The following MYO18A variants were observed in gnomAD, a reference collection of about 807,000 sequenced individuals.
MYO18A encodes the protein unconventional myosin-XVIIIa.
MYO18A carries 78 observed loss-of-function variants against 235.8 expected under a neutral mutation model. That is an observed-to-expected ratio of 0.33 (90% CI 0.28 to 0.40). The LOEUF is 0.40. Ranked by LOEUF, MYO18A falls within the 10% of genes least tolerant of loss-of-function variation. MYO18A has a pLI of 1.00. For missense variants in MYO18A, 2,215 were observed against 2,699.3 expected (o/e 0.82, Z 3.98); for synonymous variants, 977 against 1,077.8 (o/e 0.91, Z 1.83).
intron 13 of MYO18A, 51 bp from the exon 14 acceptor site, chr17:29,115,150 A>T: frequency 6.4e-7 from 1 of 1,553,224 alleles, no homozygotes; most frequent in East Asian, 2.3e-5. Context: ...CCCGGGCACC[A>T]GGAAGCCCCA....
intron 41 of MYO18A, chr17:29,080,151 G>C (rs1024024629): frequency 3.4e-5 from 34 of 985,908 alleles, no homozygotes; most frequent in Non-Finnish European, 4.0e-5. Flanking sequence ...GCTCCGGGGG[G>C]TCCAGTTGGG....
chr17:29,153,229 C>G (rs1322069780), intron 2 of MYO18A, among the ~76,000 whole-genome samples: 1 of 152,214 alleles, frequency 6.6e-6, no homozygotes, highest in Non-Finnish European at 1.5e-5. Flanking sequence ...AAGCAATCCT[C>G]TCACCTCAGC....
At position 29,170,634 on chromosome 17, in the gene MYO18A, A is replaced by C. The variant is rs992713964; in HGVS notation, c.-81-3613T>G. Reference sequence around the variant, plus strand: ...TTTTCTGCGTTTCTCTCCTCATCATACTCTAAGAAGTTTTTCCTAATTTTA... The same window carrying C: ...TTTTCTGCGTTTCTCTCCTCATCATCCTCTAAGAAGTTTTTCCTAATTTTA... On this transcript the variant is annotated intron_variant, in intron 1 of 41. Coordinates refer to ENST00000527372, the MANE Select transcript of MYO18A (RefSeq NM_078471.4). Among the ~76,000 whole-genome samples the C allele has an allele frequency of 2.0e-5, 3 of 151,842 alleles. No homozygotes were observed. The East Asian group carries it at 5.8e-4, about 29-fold the overall frequency.
chr17:29,167,518 C>T (rs2068308764), intron 1 of MYO18A, among the ~76,000 whole-genome samples: 1 of 151,942 alleles, frequency 6.6e-6, no homozygotes, highest in African/African-American at 2.4e-5. Context: ...TTAAGACCAG[C>T]CTGGACAACA....
chr17:29,177,068 C>T (rs151306129), intron 1 of MYO18A, among the ~76,000 whole-genome samples: 10 of 152,320 alleles, frequency 6.6e-5, no homozygotes, highest in African/African-American at 2.4e-4. Context: ...TCCGTGTGAC[C>T]TTGAGCAAGT....
chr17:29,138,757 G>A (rs1046567008), intron 2 of MYO18A, among the ~76,000 whole-genome samples: 1 of 152,160 alleles, frequency 6.6e-6, no homozygotes, highest in African/African-American at 2.4e-5. Context: ...GCAAGTGGCA[G>A]ATCTGGGACT....
intron 2 of MYO18A, among the ~76,000 whole-genome samples, chr17:29,135,174 C>T (rs879877566): frequency 1.2e-4 from 18 of 151,890 alleles, no homozygotes; most frequent in Non-Finnish European, 2.5e-4. Flanking sequence ...AATCTTGCCT[C>T]ACTGCAACCT....
intron 2 of MYO18A, chr17:29,128,988 G>T: frequency 8.2e-7 from 1 of 1,215,682 alleles, no homozygotes; most frequent in Non-Finnish European, 1.1e-6. Context: ...GCATGGAGAG[G>T]TCAAACAGCC....
chr17:29,167,811 C>T (rs963538177), intron 1 of MYO18A, among the ~76,000 whole-genome samples: 2 of 152,170 alleles, frequency 1.3e-5, no homozygotes, highest in African/African-American at 4.8e-5. Flanking sequence ...TCTTTGGACT[C>T]TTTCCTGAGC....
chr17:29,096,839 G>A lies in MYO18A; in HGVS notation c.4307C>T (p.Thr1436Met), dbSNP rs1294893019. The A allele has an allele frequency of 8.8e-6, 14 of 1,593,988 alleles. No homozygotes were observed. Among genetic ancestry groups the A allele is most frequent in the South Asian group, 5.7e-5 (5 of 87,404 alleles). ...CAGCTTGGTGTCTTGCAGCTCAGCC[G>A]TCAGTCGCTGGCACTTCTTCTTGAG... is the stretch of plus-strand genomic sequence containing the variant. ...QQLKKKCQRLTAELQDTKLHL... is the reference protein window; with the variant it reads ...QQLKKKCQRLMAELQDTKLHL... The change falls in exon 28 of 42, where the codon ACG (threonine) becomes ATG (methionine). Residue 1436 changes from threonine (T) to methionine (M), a missense_variant. By Grantham distance (81) the Thr-to-Met change is moderately conservative (BLOSUM62 -1). Coordinates refer to ENST00000527372, the MANE Select transcript of MYO18A (RefSeq NM_078471.4).
intron 34 of MYO18A, chr17:29,091,209 G>T (rs2066390848): frequency 4.8e-6 from 2 of 419,850 alleles, no homozygotes; most frequent in East Asian, 4.6e-5. Flanking sequence ...GGCAGAAAAG[G>T]TCTGCCCAGA....
chr17:29,140,323 G>A lies in MYO18A; in HGVS notation c.1000-18070C>T. On this transcript the variant is annotated intron_variant, in intron 2 of 41. Coordinates refer to ENST00000527372, the MANE Select transcript of MYO18A (RefSeq NM_078471.4). This position sits in a 1 kb window ranked among gnomAD's most constrained non-coding sequence, Gnocchi z 4.2. ...GCCTGGGACATTTCCGGGGTGGGGG[G>A]TCAGAGGGACACTCACCCGCATGGC... The A allele has an allele frequency of 8.0e-7, 1 of 1,247,320 alleles. No homozygotes were observed. The highest frequency in any genetic ancestry group is 1.0e-6 in the Non-Finnish European group (1 of 969,226). The allele number at this position is 1,247,320 out of a possible 1,614,324, so 77.3% of individuals were successfully genotyped here.
At chr17:29,130,524 ACAC>A (rs1163118318) in intron 2 of MYO18A, among the ~76,000 whole-genome samples, 3 of 131,528 alleles carry the variant, frequency 2.3e-5, no homozygotes, top group Non-Finnish European at 4.9e-5. Context: ...ACACACACAC[ACAC>A]AACCCTTTCA....
chr17:29,090,873 C>G lies in MYO18A; in HGVS notation c.5241G>C (p.Arg1747=), dbSNP rs761322676. Reference sequence around the variant, plus strand: ...TCATGTCTTCCTGATCTTCCTCCAGCCGGTTCTGGATCTCATTCTTCTCAC... The same window carrying G: ...TCATGTCTTCCTGATCTTCCTCCAGGCGGTTCTGGATCTCATTCTTCTCAC... ...LQREKNEIQN[R]LEEDQEDMNE... is the part of the protein sequence containing the mutation. Residue 1747 remains arginine (R), a synonymous_variant, in exon 35 of 42, where the codon CGG becomes CGC. Transcript: ENST00000527372. 1 of 1,614,056 alleles carries G rather than the reference C, an allele frequency of 6.2e-7. No individual in the cohort carries two copies.
chr17:29,129,420 C>A (rs1028271155), intron 2 of MYO18A, among the ~76,000 whole-genome samples: 1 of 152,200 alleles, frequency 6.6e-6, no homozygotes, highest in African/African-American at 2.4e-5. Flanking sequence ...GCTGGTGTGC[C>A]CACCCTTCCC....
intron 2 of MYO18A, among the ~76,000 whole-genome samples, chr17:29,160,779 A>G (rs547563525): frequency 1.3e-5 from 2 of 152,246 alleles, no homozygotes; most frequent in Non-Finnish European, 2.9e-5. Flanking sequence ...TTTGACTAGA[A>G]ACTCCACCCC....
At chr17:29,122,116 C>G (rs1241512485) in intron 3 of MYO18A, 50 bp downstream of exon 3, 2 of 1,583,232 alleles carry the variant, frequency 1.3e-6, no homozygotes, top group African/African-American at 2.7e-5. Context: ...GCTGCCCAGC[C>G]CTGAGACCAG....
Position 29,106,305 on chromosome 17 carries a change from G to A in MYO18A, c.3441+775C>T, listed in dbSNP as rs185629693. Among the ~76,000 whole-genome samples, 278 of 152,252 alleles carry A rather than the reference G, an allele frequency of 1.8e-3. 5 individuals carry two copies. The highest frequency in any genetic ancestry group is 3.8e-4 in the Non-Finnish European group (26 of 68,010). On this transcript the variant is annotated intron_variant, in intron 20 of 41. Transcript: ENST00000527372. The surrounding 1 kb of genome is among the most constrained non-coding windows in gnomAD (Gnocchi z 4.6). Reference sequence around the variant, plus strand: ...CCAGGCCACCAGCAGGCCAAAGGATGGAGGGAAGTTCTTCCGAGCCCCCTC... The same window carrying A: ...CCAGGCCACCAGCAGGCCAAAGGATAGAGGGAAGTTCTTCCGAGCCCCCTC...
chr17:29,171,356 G>T (rs898899215), intron 1 of MYO18A, among the ~76,000 whole-genome samples: 2 of 152,030 alleles, frequency 1.3e-5, no homozygotes, highest in Admixed American at 6.6e-5. Flanking sequence ...AGAATCGCTT[G>T]AACCTGGGAG....
Sources: gnomAD v4.1 joint callset for allele counts (sites outside exome capture counted in the v4.1 genomes callset) on GRCh38, gnomAD v4.1.1 for gene constraint, Gnocchi (gnomAD v3.1) non-coding constraint, MANE v1.5 for transcripts, NCBI Gene and HGNC (gene_info 2026-07-23, HGNC 2026-07-21) for gene names.